The following RBFOX1 variants were observed in gnomAD, a reference collection of about 807,000 sequenced individuals.
RBFOX1 encodes the protein RNA binding fox-1 homolog 1.
Under a neutral mutation model 57.7 loss-of-function variants are expected in RBFOX1, and 8 were observed. The observed-to-expected ratio is 0.14, with a 90% CI of 0.08 to 0.25. RBFOX1 has a LOEUF of 0.25. Among genes scored for constraint, RBFOX1 ranks in the 10% least tolerant of loss-of-function variants. The pLI is 1.00. For synonymous variants in RBFOX1, 326 were observed against 222.4 expected (o/e 1.47, Z -4.15); for missense variants, 611 against 548.5 (o/e 1.11, Z -1.14).
chr16:7,318,418 G>T, intron 4 of RBFOX1, among the ~76,000 whole-genome samples: 1 of 152,056 alleles, frequency 6.6e-6, no homozygotes, highest in Non-Finnish European at 1.5e-5. Flanking sequence ...ATGCAGCGTG[G>T]TAGAATAGTT....
At chr16:6,014,786 A>T (rs183543509), upstream of RBFOX1, among the ~76,000 whole-genome samples, 62 of 152,202 alleles carry the variant, frequency 4.1e-4, no homozygotes, top group African/African-American at 1.4e-3. Context: ...TGAGTATTGT[A>T]TCAACTCTTC....
At chr16:5,340,995 A>C (rs1376716917) in intron 1 of RBFOX1, among the ~76,000 whole-genome samples, 1 of 152,136 alleles carries the variant, frequency 6.6e-6, no homozygotes, top group African/African-American at 2.4e-5. Context: ...GACCTGTGTG[A>C]TATGAGGGAG....
chr16:7,406,894 C>G (rs914397145), intron 4 of RBFOX1, among the ~76,000 whole-genome samples: 1 of 152,162 alleles, frequency 6.6e-6, no homozygotes, highest in African/African-American at 2.4e-5. Context: ...CTTTCCTTGG[C>G]TCATGGCCCC....
intron 4 of RBFOX1, among the ~76,000 whole-genome samples, chr16:7,074,729 A>G (rs1156504292): frequency 6.6e-6 from 1 of 152,208 alleles, no homozygotes; most frequent in Non-Finnish European, 1.5e-5. Context: ...AGCATGGGGA[A>G]AAACAAGCAG....
intron 3 of RBFOX1, among the ~76,000 whole-genome samples, chr16:5,788,799 T>G (rs1438813770): frequency 6.6e-6 from 1 of 152,018 alleles, no homozygotes; most frequent in Non-Finnish European, 1.5e-5. Context: ...GGCACATGCT[T>G]TTCTACCCAC....
chr16:5,992,037 C>G (rs1352223584), intron 4 of RBFOX1, among the ~76,000 whole-genome samples: 1 of 152,088 alleles, frequency 6.6e-6, no homozygotes, highest in Non-Finnish European at 1.5e-5. Flanking sequence ...ATACATTTTA[C>G]ACAAAGTTAT....
At chr16:5,300,669 T>C (rs1467570650) in intron 1 of RBFOX1, among the ~76,000 whole-genome samples, 1 of 152,202 alleles carries the variant, frequency 6.6e-6, no homozygotes, top group East Asian at 1.9e-4. Context: ...AACTTATGAA[T>C]TCAATTCATA....
chr16:7,131,297 G>C (rs1026488561), intron 4 of RBFOX1, among the ~76,000 whole-genome samples: 2 of 135,828 alleles, frequency 1.5e-5, no homozygotes, highest in African/African-American at 2.7e-5. Flanking sequence ...AGTGAGCCAA[G>C]ACCACACCAT....
chr16:6,492,564 A>G (rs990644394), intron 2 of RBFOX1, among the ~76,000 whole-genome samples: 4 of 151,458 alleles, frequency 2.6e-5, no homozygotes, highest in African/African-American at 9.7e-5. Context: ...GTGAGACTCC[A>G]TCTCAAAAAT....
chr16:6,876,481 T>G (rs963993765), intron 3 of RBFOX1, among the ~76,000 whole-genome samples: 2 of 152,216 alleles, frequency 1.3e-5, no homozygotes, highest in Non-Finnish European at 2.9e-5. Flanking sequence ...TTGTCACTAT[T>G]TTATCTTCAT....
Position 6,478,413 on chromosome 16 carries a change from ATATATATATATATATATT to A in RBFOX1, c.-64+161358_-64+161375del, listed in dbSNP as rs1441453762. ...AATATATATATATATATATATATAT[ATATATATATATATATATT>A]TTTTTTTTTTTTTTTTGTATTTTTA... On this transcript the variant is annotated intron_variant, in intron 2 of 15. Transcript: ENST00000550418. Among the ~76,000 whole-genome samples, 66 of 21,906 alleles carry A rather than the reference ATATATATATATATATATT, an allele frequency of 3.0e-3. 3 individuals are homozygous for A. The East Asian group carries it at 0.056, about 18-fold the overall frequency. The allele number at this position is 21,906 out of a possible 152,430, so 14.4% of individuals were successfully genotyped here. A position where few individuals can be genotyped will look rare whatever the true frequency, so the allele number is the denominator to read the frequency against.
rs1206774666 is a variant in RBFOX1, at chr16:7,697,496, G to C, written c.996-11560G>C. Reference sequence around the variant, plus strand: ...CTGTCATTTATTGAGCAAATTATGTGTGCTAGTATGATATACATACATGCA... The same window carrying C: ...CTGTCATTTATTGAGCAAATTATGTCTGCTAGTATGATATACATACATGCA... On this transcript the variant is annotated intron_variant, in intron 14 of 15. Coordinates refer to ENST00000550418, the MANE Select transcript of RBFOX1 (RefSeq NM_018723.4). 3.7e-5 allele frequency among the ~76,000 whole-genome samples: 5 copies of C among 135,286 alleles called. No homozygotes were observed. The Admixed American group carries it at 3.9e-4, about 11-fold the overall frequency. The allele number at this position is 135,286 out of a possible 152,430, so 88.8% of individuals were successfully genotyped here. A position where few individuals can be genotyped will look rare whatever the true frequency, so the allele number is the denominator to read the frequency against.
At chr16:6,863,973 TTC>T (rs2059466808) in intron 3 of RBFOX1, among the ~76,000 whole-genome samples, 2 of 147,564 alleles carry the variant, frequency 1.4e-5, no homozygotes. Context: ...TCACAACTTC[TTC>T]TGTCTTTATG....
chr16:7,171,960 G>C (rs935809438), intron 4 of RBFOX1, among the ~76,000 whole-genome samples: 2 of 152,158 alleles, frequency 1.3e-5, no homozygotes, highest in Non-Finnish European at 2.9e-5. Flanking sequence ...CGGGGTCTGT[G>C]CCTGCCCTGG....
chr16:5,778,092 C>T (rs1597213390), intron 3 of RBFOX1, among the ~76,000 whole-genome samples: 1 of 152,116 alleles, frequency 6.6e-6, no homozygotes, highest in African/African-American at 2.4e-5. Context: ...GGTGGATCCT[C>T]ATTCCAGCTT....
chr16:5,291,589 A>C (rs573730553), intron 1 of RBFOX1, among the ~76,000 whole-genome samples: 1 of 152,222 alleles, frequency 6.6e-6, no homozygotes, highest in South Asian at 2.1e-4. Flanking sequence ...TAACCCACAG[A>C]GCAGTGGGAG....
At chr16:7,093,120 T>A (rs2061139091) in intron 4 of RBFOX1, among the ~76,000 whole-genome samples, 1 of 152,230 alleles carries the variant, frequency 6.6e-6, no homozygotes, top group Admixed American at 6.5e-5. Context: ...CAAAGATGAC[T>A]TCTTTTACCC....
At chr16:5,638,611 T>C (rs536187371) in intron 3 of RBFOX1, among the ~76,000 whole-genome samples, 18 of 152,270 alleles carry the variant, frequency 1.2e-4, no homozygotes, top group Admixed American at 4.6e-4. Context: ...CTACCTTCTT[T>C]ATTTACATCT....
At chr16:6,113,022 C>T (rs1236163006) in intron 1 of RBFOX1, among the ~76,000 whole-genome samples, 1 of 152,160 alleles carries the variant, frequency 6.6e-6, no homozygotes, top group Non-Finnish European at 1.5e-5. Flanking sequence ...CACCATGGTT[C>T]TGTGTAACAA....
Sources: allele counts gnomAD v4.1 joint callset (sites outside exome capture counted in the v4.1 genomes callset), GRCh38; gene constraint gnomAD v4.1.1; transcripts MANE v1.5; gene names NCBI Gene and HGNC (gene_info 2026-07-23, HGNC 2026-07-21).